The following COL6A6 variants were observed in gnomAD, a reference collection of about 807,000 sequenced individuals.
The protein encoded by COL6A6 is collagen alpha-6(VI) chain.
Under a neutral mutation model 208.6 loss-of-function variants are expected in COL6A6, and 183 were observed. The ratio of observed to expected loss-of-function variants is 0.88; its 90% CI spans 0.78 to 0.99. The LOEUF (loss-of-function observed/expected upper bound fraction) is 0.99. Among genes scored for constraint, COL6A6 ranks in the 50% least tolerant of loss-of-function variants. The pLI is 0.00. For synonymous variants in COL6A6, 973 were observed against 1,011.8 expected (o/e 0.96, Z 0.73); for missense variants, 2,816 against 2,815.2 (o/e 1.00, Z -0.01).
rs1337619070 is a variant in COL6A6 at position 130,567,203 on chromosome 3, A to G, written c.1784A>G (p.Asp595Gly). 3 of 1,613,226 alleles carry G rather than the reference A, an allele frequency of 1.9e-6. No homozygotes were observed. Among genetic ancestry groups the G allele is most frequent in the Non-Finnish European group, 2.5e-6 (3 of 1,179,862 alleles). Residue 595 changes from aspartate (D) to glycine (G), a missense_variant, in exon 5 of 37, where the codon GAC becomes GGC. By Grantham distance (94) the Asp-to-Gly change is moderately conservative. Coordinates refer to ENST00000358511, the MANE Select transcript of COL6A6 (RefSeq NM_001102608.3). ...GEEKRVYYVH[D>G]FDALKDIRNQ... is the part of the protein sequence containing the mutation. ...GAAAAGAGAGTGTATTACGTGCATG[A>G]CTTTGATGCATTGAAAGACATAAGA...
chr3:130,607,342 G>T (rs773738753), intron 21 of COL6A6, among the ~76,000 whole-genome samples: 5 of 152,094 alleles, frequency 3.3e-5, no homozygotes, highest in African/African-American at 4.8e-5. Context: ...TAAAACTCTT[G>T]TACAAATTGG....
chr3:130,646,707 G>T (rs2065470215), intron 32 of COL6A6, among the ~76,000 whole-genome samples: 3 of 152,246 alleles, frequency 2.0e-5, no homozygotes, highest in South Asian at 4.1e-4. Flanking sequence ...GACATAGGGA[G>T]GGGGAGAGTA....
chr3:130,588,949 ATT>A, intron 11 of COL6A6, 139 bp from the exon 12 acceptor site: 5 of 424,824 alleles, frequency 1.2e-5, no homozygotes, highest in Non-Finnish European at 2.1e-5. Context: ...AGTTTCATGC[ATT>A]CTTTCTAAAG....
Position 130,661,959 on chromosome 3 carries a change from A to C in COL6A6, c.6153A>C (p.Ser2051=). Reference sequence around the variant, plus strand: ...TCATGAAGAGGCATGTGCACGAGTCAGTTAAACAACTAAATGGAGATGCTT... The same window carrying C: ...TCATGAAGAGGCATGTGCACGAGTCCGTTAAACAACTAAATGGAGATGCTT... The part of the protein sequence containing the change: ...KRLMKRHVHE[S]VKQLNGDAFI... Residue 2051 remains serine (S), a synonymous_variant, in exon 35 of 37, where the codon TCA becomes TCC. Transcript: ENST00000358511. 6.2e-7 allele frequency: 1 copy of C among 1,614,040 alleles called. No homozygotes were observed.
At chr3:130,602,260 G>A (rs1365116568) in intron 20 of COL6A6, among the ~76,000 whole-genome samples, 1 of 152,196 alleles carries the variant, frequency 6.6e-6, no homozygotes, top group African/African-American at 2.4e-5. Flanking sequence ...TTCGTTTGAT[G>A]AGAAAGTGTT....
At chr3:130,518,344 ATT>A (rs959824006) in intron 1 of COL6A6, among the ~76,000 whole-genome samples, 2 of 152,226 alleles carry the variant, frequency 1.3e-5, no homozygotes, top group African/African-American at 4.8e-5. Flanking sequence ...AAACTAATCT[ATT>A]TAATGAGTAG....
chr3:130,589,914 G>A, intron 12 of COL6A6: 2 of 409,658 alleles, frequency 4.9e-6, no homozygotes, highest in Non-Finnish European at 9.9e-6. Context: ...AATCACCAGG[G>A]CTATGTCTCT....
In COL6A6 at chr3:130,571,344, G is replaced by A. The variant is rs1233728314; in HGVS notation, c.2928G>A (p.Lys976=). ...TCGTGGAGACTTTTGGAGGTCTGAAGGGAATATTTTCAGATGTGACAGCCA... is the reference window on the plus strand; with the variant it reads ...TCGTGGAGACTTTTGGAGGTCTGAAAGGAATATTTTCAGATGTGACAGCCA... ...YFFVETFGGL[K]GIFSDVTASV... Residue 976 remains lysine, a synonymous_variant, in exon 7 of 37, where the codon AAG becomes AAA. Transcript: ENST00000358511. The A allele has an allele frequency of 1.9e-6, 3 of 1,606,516 alleles. No individual in the cohort carries two copies. In the Admixed American group the frequency reaches 5.2e-5, roughly 28 times the overall value.
intron 24 of COL6A6, 55 bp downstream of exon 24, chr3:130,621,938 G>C: frequency 7.7e-6 from 11 of 1,436,644 alleles, no homozygotes; most frequent in Non-Finnish European, 9.8e-6. Flanking sequence ...CAAGAGAACT[G>C]TGTCTAATTG....
chr3:130,582,758 T>C (rs2108010667), intron 10 of COL6A6, among the ~76,000 whole-genome samples: 1 of 152,332 alleles, frequency 6.6e-6, no homozygotes. Context: ...CAGATTCACC[T>C]ATCCTCTAGC....
At chr3:130,606,909 T>A in intron 20 of COL6A6, 22 bp from the exon 21 acceptor site, 1 of 1,600,286 alleles carries the variant, frequency 6.2e-7, no homozygotes, top group Non-Finnish European at 8.5e-7. Flanking sequence ...ATTAATGATA[T>A]CCACCTTTTC....
intron 1 of COL6A6, among the ~76,000 whole-genome samples, chr3:130,533,648 C>T (rs552097119): frequency 5.3e-5 from 8 of 152,292 alleles, no homozygotes; most frequent in East Asian, 1.9e-4. Context: ...GCATTCCCAG[C>T]GGGGACCACT....
chr3:130,563,642 A>G lies in COL6A6; in HGVS notation c.639A>G (p.Ala213=). The G allele has an allele frequency of 2.5e-6, 4 of 1,611,256 alleles. No homozygotes were observed. The highest frequency in any genetic ancestry group is 3.4e-6 in the Non-Finnish European group (4 of 1,177,590). The change falls in exon 3 of 37, where the codon GCA becomes GCG. Residue 213 remains alanine (A), a synonymous_variant. Coordinates refer to ENST00000358511, the MANE Select transcript of COL6A6 (RefSeq NM_001102608.3). ...ATGTAATAAAGTACAAGGAGGGAGC[A>G]GTTGATGACATCTTTGTAGAAGGTG... is the stretch of plus-strand genomic sequence containing the variant. The part of the protein sequence containing the change: ...IKDVIKYKEG[A]VDDIFVEACQ...
At chr3:130,575,698 G>A (rs1376666017) in intron 8 of COL6A6, among the ~76,000 whole-genome samples, 1 of 152,128 alleles carries the variant, frequency 6.6e-6, no homozygotes, top group East Asian at 1.9e-4. Context: ...GAAGGAGAAG[G>A]TACTAGGAAA....
intron 12 of COL6A6, among the ~76,000 whole-genome samples, chr3:130,590,457 T>G (rs866929618): frequency 3.4e-5 from 3 of 87,486 alleles, no homozygotes; most frequent in African/African-American, 1.2e-4. Context: ...GCTATCCCTC[T>G]CCCTCCCCCC....
At chr3:130,598,284 A>G in intron 18 of COL6A6, 81 bp from the exon 19 acceptor site, 1 of 904,270 alleles carries the variant, frequency 1.1e-6, no homozygotes, top group Non-Finnish European at 1.7e-6. Flanking sequence ...CTCGAGAGTT[A>G]GCTAAGTGTT....
At chr3:130,531,676 C>T (rs543465806) in intron 1 of COL6A6, among the ~76,000 whole-genome samples, 43 of 152,280 alleles carry the variant, frequency 2.8e-4, no homozygotes, top group African/African-American at 9.4e-4. Context: ...TAGGCCTGTG[C>T]TTTGTCCTTC....
intron 1 of COL6A6, among the ~76,000 whole-genome samples, chr3:130,552,503 G>C (rs2062665756): frequency 6.6e-6 from 1 of 151,854 alleles, no homozygotes; most frequent in African/African-American, 2.4e-5. Flanking sequence ...TTTCCTTCAT[G>C]CCTTTACTTT....
intron 6 of COL6A6, among the ~76,000 whole-genome samples, chr3:130,569,097 A>G (rs6800326): frequency 0.84 from 128,031 of 152,208 alleles, 56,942 homozygotes; most frequent in Non-Finnish European, 0.98. Context: ...ACCCTGTGTC[A>G]CGTGGGCTAC....
Sources: gnomAD v4.1 joint callset for allele counts (sites outside exome capture counted in the v4.1 genomes callset) on GRCh38, gnomAD v4.1.1 for gene constraint, MANE v1.5 for transcripts, NCBI Gene and HGNC (gene_info 2026-07-23, HGNC 2026-07-21) for gene names.